PARP10: variants seen among roughly 807,000 people sequenced by gnomAD.
PARP10 encodes the protein protein mono-ADP-ribosyltransferase PARP10.
In PARP10, 56 loss-of-function variants were observed where a neutral mutation model predicts 82.4. The ratio of observed to expected loss-of-function variants is 0.68; its 90% CI spans 0.55 to 0.85. PARP10 has a LOEUF of 0.85. Among genes scored for constraint, PARP10 ranks in the 40% least tolerant of loss-of-function variants. PARP10 has a pLI of 0.00. For missense variants in PARP10, 1,227 were observed against 1,379.4 expected (o/e 0.89, Z 1.75); for synonymous variants, 576 against 601.1 (o/e 0.96, Z 0.61).
upstream of PARP10, chr8:143,991,921 C>T (rs782150088): frequency 5.6e-6 from 9 of 1,613,198 alleles, no homozygotes; most frequent in Admixed American, 6.7e-5. Context: ...ACCCTGTCCA[C>T]GGTGTCTGTG....
At chr8:143,999,343 C>G (rs547513057) in intron 1 of PARP10, among the ~76,000 whole-genome samples, 1 of 152,148 alleles carries the variant, frequency 6.6e-6, no homozygotes, top group Non-Finnish European at 1.5e-5. Context: ...GCTGGGACCA[C>G]AGGCATGCAC....
chr8:144,006,282 C>G (rs1366181160), intron 1 of PARP10, among the ~76,000 whole-genome samples: 1 of 152,270 alleles, frequency 6.6e-6, no homozygotes, highest in African/African-American at 2.4e-5. Context: ...CCAGTGCCTT[C>G]TCTGTCTTCC....
chr8:143,983,419 G>C lies in PARP10; in HGVS notation c.2170C>G (p.Arg724Gly), dbSNP rs548958950. 1 of 1,604,596 alleles carries C rather than the reference G, an allele frequency of 6.2e-7. No homozygotes were observed. Among genetic ancestry groups the C allele is most frequent in the Middle Eastern group, 1.7e-4 (1 of 6,056 alleles). Residue 724 changes from arginine to glycine, a missense_variant, in exon 8 of 11, where the codon CGG (arginine) becomes GGG (glycine). Arg to Gly is a moderately radical substitution (Grantham distance 125). Transcript: ENST00000313028. ...AFEQDVEELD[R>G]ALRAALEVHV... Reference sequence around the variant, plus strand: ...ACCTCCAAGGCAGCCCTGAGCGCCCGGTCCAGCTCCTCCACATCCTGCTCA... The same window carrying C: ...ACCTCCAAGGCAGCCCTGAGCGCCCCGTCCAGCTCCTCCACATCCTGCTCA...
chr8:144,000,906 G>GT (rs1834197074), intron 1 of PARP10, among the ~76,000 whole-genome samples: 1 of 109,212 alleles, frequency 9.2e-6, no homozygotes, highest in South Asian at 3.0e-4. Flanking sequence ...CTTTGTGTGT[G>GT]TGTTTTTTTT....
upstream of PARP10, chr8:143,991,966 G>GGAA: frequency 6.2e-7 from 1 of 1,613,514 alleles, no homozygotes. Context: ...GGCTTTGTCC[G>GGAA]GGAGAATGTC....
In PARP10 at chr8:143,985,768, CG is replaced by C; in HGVS notation, c.388del (p.Arg130GlyfsTer112). The C allele has an allele frequency of 1.2e-6, 2 of 1,611,076 alleles. No individual in the cohort carries two copies. Among genetic ancestry groups the C allele is most frequent in the Non-Finnish European group, 8.5e-7 (1 of 1,178,674 alleles). ...CAACTGGACCAGAGCCCGGTCTGGC[CG>C]GGGGCTGGCCAAGGCACAGCAAGGC... Reference protein sequence around the residue: ...VQPCCALASPRPDRALVQLPK... With the variant: ...VQPCCALASPXPDRALVQLPK... On this transcript the variant is annotated frameshift_variant, in exon 3 of 11. Coordinates refer to ENST00000313028, the MANE Select transcript of PARP10 (RefSeq NM_032789.5). LOFTEE classifies it high-confidence loss of function.
At chr8:143,992,105 C>T, upstream of PARP10, 2 of 1,610,048 alleles carry the variant, frequency 1.2e-6, no homozygotes, top group Non-Finnish European at 1.7e-6. Context: ...AGCCTCTGTG[C>T]CTGGGTCCGG....
chr8:143,980,318 T>TAAAAAA lies in PARP10; in HGVS notation c.2557-2238_2557-2237insTTTTTT, dbSNP rs1564247548. On this transcript the variant is annotated intron_variant, in intron 9 of 10. Coordinates refer to ENST00000313028, the MANE Select transcript of PARP10 (RefSeq NM_032789.5). ...CTGGGCTACTGAGTGAGATTCCGTC[T>TAAAAAA]CAAAAAAAAAAAAAAAAAAAAAAAA... is the stretch of plus-strand genomic sequence containing the variant. Among the ~76,000 whole-genome samples, 28 of 15,678 alleles carry TAAAAAA rather than the reference T, an allele frequency of 1.8e-3. 3 individuals carry two copies. Among genetic ancestry groups the TAAAAAA allele is most frequent in the African/African-American group, 3.8e-3 (27 of 7,190 alleles). The allele number at this position is 15,678 out of a possible 152,430, so 10.3% of individuals were successfully genotyped here.
upstream of PARP10, among the ~76,000 whole-genome samples, chr8:143,987,677 G>C: frequency 6.6e-6 from 1 of 152,168 alleles, no homozygotes; most frequent in Non-Finnish European, 1.5e-5. Context: ...TGGATCACGA[G>C]GTCAGGAGTT....
chr8:143,997,931 C>T (rs1206844623), intron 1 of PARP10, among the ~76,000 whole-genome samples: 1 of 151,760 alleles, frequency 6.6e-6, no homozygotes, highest in East Asian at 1.9e-4. Flanking sequence ...CTATAGGTGC[C>T]CCACCACCAT....
upstream of PARP10, chr8:143,991,474 A>T: frequency 6.6e-7 from 1 of 1,511,544 alleles, no homozygotes; most frequent in South Asian, 1.3e-5. Context: ...CAGGGCCCCT[A>T]CCCACAAGAG....
rs1833724132 is a variant in PARP10 at position 143,977,628 on chromosome 8, G to A, written c.2934C>T (p.Ala978=). Reference sequence around the variant, plus strand: ...TGCTGGGCTGGCAGATGCAGTCCACGGCGCTGTCGTAGCGCAGGAGCACGT... The same window carrying A: ...TGCTGGGCTGGCAGATGCAGTCCACAGCGCTGTCGTAGCGCAGGAGCACGT... ...PGHVLLRYDS[A]VDCICQPSIF... is the part of the protein sequence containing the mutation. The change falls in exon 11 of 11, where the codon GCC becomes GCT. Residue 978 remains alanine, a synonymous_variant. Coordinates refer to ENST00000313028, the MANE Select transcript of PARP10 (RefSeq NM_032789.5). The A allele has an allele frequency of 3.8e-6, 6 of 1,591,236 alleles. No individual in the cohort carries two copies. Among genetic ancestry groups the A allele is most frequent in the East Asian group, 2.3e-5 (1 of 43,400 alleles).
rs1554748964 is a variant in PARP10, at chr8:143,985,171, G to A, written c.831C>T (p.Leu277=). ...TQGPRATKHA[L]LRTGGLVTAL... is the part of the protein sequence containing the mutation. Reference sequence around the variant, plus strand: ...CCGTCACCAACCCTCCGGTCCTCAGGAGAGCATGCTTGGTAGCCCTAGGCC... The same window carrying A: ...CCGTCACCAACCCTCCGGTCCTCAGAAGAGCATGCTTGGTAGCCCTAGGCC... The change falls in exon 5 of 11, where the codon CTC becomes CTT. Residue 277 remains leucine, a synonymous_variant. Transcript: ENST00000313028. 2 of 1,614,124 alleles carry A rather than the reference G, an allele frequency of 1.2e-6. No individual in the cohort carries two copies. Among genetic ancestry groups the A allele is most frequent in the Non-Finnish European group, 1.7e-6 (2 of 1,180,012 alleles).
chr8:144,003,804 T>C (rs1305439720), intron 1 of PARP10, among the ~76,000 whole-genome samples: 3 of 151,840 alleles, frequency 2.0e-5, no homozygotes, highest in Non-Finnish European at 4.4e-5. Flanking sequence ...ACCAGGAGGA[T>C]AGCTTGAGCC....
intron 9 of PARP10, among the ~76,000 whole-genome samples, chr8:143,981,034 TCTAAAG>T (rs1287886485): frequency 2.0e-5 from 3 of 150,302 alleles, no homozygotes; most frequent in Admixed American, 6.6e-5. Flanking sequence ...AGAAACAATC[TCTAAAG>T]CTGTCAAGTG....
intron 1 of PARP10, among the ~76,000 whole-genome samples, chr8:144,001,662 C>A (rs1033070336): frequency 6.6e-6 from 1 of 152,064 alleles, no homozygotes; most frequent in East Asian, 1.9e-4. Context: ...GCAGAGGTCA[C>A]GCCATTGCAC....
chr8:144,001,874 G>A (rs992436551), intron 1 of PARP10, among the ~76,000 whole-genome samples: 2 of 64,210 alleles, frequency 3.1e-5, no homozygotes, highest in South Asian at 5.1e-4. Flanking sequence ...ATATATATAC[G>A]TGTGTGTGTG....
chr8:144,004,878 G>T (rs1393517912), intron 1 of PARP10, among the ~76,000 whole-genome samples: 1 of 152,206 alleles, frequency 6.6e-6, no homozygotes, highest in East Asian at 1.9e-4. Flanking sequence ...GAGTGGGCAC[G>T]GTTGAAAAGC....
At chr8:143,996,257 C>T (rs1417294870) in intron 1 of PARP10, among the ~76,000 whole-genome samples, 1 of 152,214 alleles carries the variant, frequency 6.6e-6, no homozygotes, top group East Asian at 1.9e-4. Flanking sequence ...ATTTATTTCT[C>T]AATCAAAAAA....
Sources: gnomAD v4.1 joint callset for allele counts (sites outside exome capture counted in the v4.1 genomes callset) on GRCh38, gnomAD v4.1.1 for gene constraint, MANE v1.5 for transcripts, NCBI Gene and HGNC (gene_info 2026-07-23, HGNC 2026-07-21) for gene names.